The following ARL1 variants were observed in gnomAD, a reference collection of about 807,000 sequenced individuals.
ARL1 encodes the protein ARF like GTPase 1.
In ARL1, 17 loss-of-function variants were observed where a neutral mutation model predicts 30.1. That is an observed-to-expected ratio of 0.56 (90% confidence interval 0.39 to 0.85). ARL1 has a LOEUF of 0.85. ARL1 is among the 40% of genes least tolerant of loss of function. The pLI is 0.00. For synonymous variants in ARL1, 58 were observed against 71.7 expected, an observed-to-expected ratio of 0.81 and a Z score of 0.97; for missense variants, 102 against 212.6, an observed-to-expected ratio of 0.48 and a Z score of 3.24.
At chr12:101,404,404 G>C (rs1871384351) in intron 2 of ARL1, among the ~76,000 whole-genome samples, 1 of 152,180 alleles carries the variant, frequency 6.6e-6, no homozygotes, top group South Asian at 2.1e-4. Flanking sequence ...AGAGTGTGGT[G>C]TAAAGCAGCA....
chr12:101,401,191 G>A lies in ARL1; in HGVS notation c.225-18C>T. 1 of 1,520,938 alleles carries A rather than the reference G, an allele frequency of 6.6e-7. No homozygotes were observed. Among genetic ancestry groups the A allele is most frequent in the Non-Finnish European group, 9.1e-7 (1 of 1,098,850 alleles). The allele number at this position is 1,520,938 out of a possible 1,614,324, so 94.2% of individuals were successfully genotyped here. ...AGTATGGCCTAGAGAAAATTTAAAA[G>A]GGGAGAACATATTGTTATTGTTTTA... On this transcript the variant is annotated intron_variant, in intron 3 of 5. Coordinates refer to ENST00000261636, the MANE Select transcript of ARL1 (RefSeq NM_001177.6).
At chr12:101,404,220 G>A (rs2121124181) in intron 2 of ARL1, among the ~76,000 whole-genome samples, 1 of 152,132 alleles carries the variant, frequency 6.6e-6, no homozygotes, top group Middle Eastern at 3.4e-3. Flanking sequence ...CAAGACAAGA[G>A]AATGGTGTAG....
At chr12:101,403,220 TA>T in intron 2 of ARL1, 1 of 475,844 alleles carries the variant, frequency 2.1e-6, no homozygotes, top group Non-Finnish European at 4.1e-6. Context: ...GCAAGATCAA[TA>T]CCATCTTCAG....
chr12:101,405,139 G>A (rs1020489410), intron 2 of ARL1, among the ~76,000 whole-genome samples: 4 of 152,192 alleles, frequency 2.6e-5, no homozygotes, highest in African/African-American at 9.6e-5. Context: ...CCAAAGTGCT[G>A]CCATTACAGG....
intron 4 of ARL1, 88 bp from the exon 5 acceptor site, chr12:101,396,665 AT>A: frequency 1.0e-6 from 1 of 1,003,790 alleles, no homozygotes; most frequent in Non-Finnish European, 1.4e-6. Context: ...TTAAACGTGT[AT>A]TTTATAATTA....
At position 101,398,525 on chromosome 12, in the gene ARL1, C is replaced by T. The variant is rs184455447; in HGVS notation, c.337-1948G>A. Among the ~76,000 whole-genome samples, 200 of 152,218 alleles carry T rather than the reference C, an allele frequency of 1.3e-3. 1 individual carries two copies. Among genetic ancestry groups the T allele is most frequent in the South Asian group, 0.013 (63 of 4,818 alleles). On this transcript the variant is annotated intron_variant, in intron 4 of 5. Transcript: ENST00000261636. ...AGTGCAGTGGCACTATCTCAGCTCA[C>T]TGCAACCTCCGCCTCCTGGGTTCAA...
chr12:101,403,722 G>A (rs1871365195), intron 2 of ARL1: 1 of 152,710 alleles, frequency 6.5e-6, no homozygotes, highest in African/African-American at 2.4e-5. Context: ...CACTTTGGGA[G>A]GCCAAGGCGG....
chr12:101,407,772 G>C lies in ARL1; in HGVS notation c.-127C>G, dbSNP rs1308618443. 1 of 1,410,266 alleles carries C rather than the reference G, an allele frequency of 7.1e-7. No individual in the cohort carries two copies. The highest frequency in any genetic ancestry group is 9.9e-7 in the Non-Finnish European group (1 of 1,007,358). The allele number at this position is 1,410,266 out of a possible 1,614,324, so 87.4% of individuals were successfully genotyped here. ...CACGTCGGACTCCAGGCGGGGGCGG[G>C]AGCGAGGGTCAGCTGCGACTGCGCG... On this transcript the variant is annotated 5_prime_UTR_variant, in exon 1 of 6. Transcript: ENST00000261636.
chr12:101,399,509 T>TATA (rs1871244717), intron 4 of ARL1, among the ~76,000 whole-genome samples: 8 of 110,546 alleles, frequency 7.2e-5, no homozygotes, highest in Admixed American at 5.3e-4. Context: ...AGACTCTGTC[T>TATA]AAAAAAAAAA....
chr12:101,405,575 C>T (rs560835307), intron 2 of ARL1: 17 of 202,920 alleles, frequency 8.4e-5, no homozygotes, highest in African/African-American at 3.5e-4. Context: ...TATGTTCATA[C>T]TAGCAGTTTA....
At chr12:101,407,524 G>GC in intron 1 of ARL1, 118 bp downstream of exon 1, 2 of 1,372,886 alleles carry the variant, frequency 1.5e-6, no homozygotes, top group Non-Finnish European at 2.0e-6. Context: ...TCCGCGACCC[G>GC]CCCCCTGAGG....
At chr12:101,397,886 T>A (rs938886711) in intron 4 of ARL1, among the ~76,000 whole-genome samples, 3 of 152,162 alleles carry the variant, frequency 2.0e-5, no homozygotes, top group Admixed American at 6.5e-5. Context: ...TTGCAAAAGA[T>A]CTTGCTATGA....
intron 4 of ARL1, among the ~76,000 whole-genome samples, chr12:101,399,409 G>T (rs1466155633): frequency 6.7e-6 from 1 of 150,260 alleles, no homozygotes; most frequent in Non-Finnish European, 1.5e-5. Flanking sequence ...CTACTCAGAA[G>T]GCTGAAACAG....
intron 4 of ARL1, 69 bp downstream of exon 4, chr12:101,400,989 CTTTT>C: frequency 9.6e-7 from 1 of 1,040,618 alleles, no homozygotes; most frequent in Admixed American, 1.9e-5. Flanking sequence ...CCCCTGCATT[CTTTT>C]TAATTATTCT....
chr12:101,394,088 A>G lies in ARL1; in HGVS notation c.*1552T>C, dbSNP rs1871084108. On this transcript the variant is annotated 3_prime_UTR_variant, in exon 6 of 6. Coordinates refer to ENST00000261636, the MANE Select transcript of ARL1 (RefSeq NM_001177.6). The stretch of plus-strand genomic sequence containing the variant: ...AATCTCCAAAAAAGATTTCAAAGAG[A>G]CTAAAGTAGGAATGGGTGCTGGAGA... The G allele has an allele frequency of 6.6e-6, 1 of 152,030 alleles. No individual in the cohort carries two copies. The highest frequency in any genetic ancestry group is 1.5e-5 in the Non-Finnish European group (1 of 68,050). 9.4% of individuals were successfully genotyped at this position (152,030 alleles called of 1,614,324 possible).
intron 2 of ARL1, among the ~76,000 whole-genome samples, chr12:101,405,142 A>G (rs1871404345): frequency 6.6e-6 from 1 of 152,208 alleles, no homozygotes; most frequent in Non-Finnish European, 1.5e-5. Context: ...AAGTGCTGCC[A>G]TTACAGGCGT....
intron 4 of ARL1, among the ~76,000 whole-genome samples, chr12:101,400,621 A>G (rs1871280584): frequency 6.6e-6 from 1 of 152,178 alleles, no homozygotes; most frequent in Non-Finnish European, 1.5e-5. Context: ...GTGTCCAAAG[A>G]ACAGAAAGAA....
chr12:101,406,493 C>A (rs960631852), intron 1 of ARL1, among the ~76,000 whole-genome samples: 13 of 152,104 alleles, frequency 8.5e-5, no homozygotes, highest in African/African-American at 2.7e-4. Context: ...ACAAAAAACC[C>A]ACTTTTAAAA....
intron 1 of ARL1, 193 bp downstream of exon 1, chr12:101,407,449 G>C (rs985099147): frequency 1.5e-5 from 10 of 682,328 alleles, no homozygotes; most frequent in Non-Finnish European, 2.4e-5. Context: ...ACCGAGAGAG[G>C]ACGGAGGAGA....
Sources: allele counts gnomAD v4.1 joint callset (sites outside exome capture counted in the v4.1 genomes callset), GRCh38; gene constraint gnomAD v4.1.1; transcripts MANE v1.5; gene names NCBI Gene and HGNC (gene_info 2026-07-23, HGNC 2026-07-21).